PTPRO: variants seen among roughly 807,000 people sequenced by gnomAD.
The protein encoded by PTPRO is protein tyrosine phosphatase receptor type O.
Under a neutral mutation model 145.2 loss-of-function variants are expected in PTPRO, and 62 were observed. The observed-to-expected ratio is 0.43, with a 90% CI of 0.35 to 0.53. The LOEUF (loss-of-function observed/expected upper bound fraction) is 0.53, where lower values mean the gene tolerates loss of function less well. Among genes scored for constraint, PTPRO ranks in the 20% least tolerant of loss-of-function variants. The pLI is 0.01. For synonymous variants in PTPRO, 565 were observed against 514.7 expected, an observed-to-expected ratio of 1.10 and a Z score of -1.32; for missense variants, 1,345 against 1,482.7, an observed-to-expected ratio of 0.91 and a Z score of 1.53.
chr12:15,452,021 C>CA lies in PTPRO; in HGVS notation c.76-31947dup, dbSNP rs201827849. Among the ~76,000 whole-genome samples the CA allele has an allele frequency of 8.5e-3, 1,282 of 151,544 alleles. 17 individuals are homozygous for CA. Among genetic ancestry groups the CA allele is most frequent in the African/African-American group, 0.029 (1,219 of 41,334 alleles). ...AGAGTAGAACTGAATGAAGTTGAAA[C>CA]AAAAAAGCATGCAAAAGATAAATGA... is the stretch of plus-strand genomic sequence containing the variant. On this transcript the variant is annotated intron_variant, in intron 1 of 26. Coordinates refer to ENST00000281171, the MANE Select transcript of PTPRO (RefSeq NM_030667.3).
At chr12:15,561,557 T>C (rs1374580493) in intron 17 of PTPRO, among the ~76,000 whole-genome samples, 3 of 152,090 alleles carry the variant, frequency 2.0e-5, no homozygotes, top group African/African-American at 7.2e-5. Flanking sequence ...CCATTCACTG[T>C]TATTCTAAGT....
At position 15,556,868 on chromosome 12, in the gene PTPRO, G is replaced by A. The variant is rs560371293; in HGVS notation, c.2559-587G>A. Reference sequence around the variant, plus strand: ...CCAAATAGTTCAAATATTTCTTTTAGAATCATGAATGCCCTTTGGAAAGGA... The same window carrying A: ...CCAAATAGTTCAAATATTTCTTTTAAAATCATGAATGCCCTTTGGAAAGGA... On this transcript the variant is annotated intron_variant, in intron 15 of 26. Coordinates refer to ENST00000281171, the MANE Select transcript of PTPRO (RefSeq NM_030667.3). 9.9e-5 allele frequency among the ~76,000 whole-genome samples: 15 copies of A among 152,110 alleles called. No homozygotes were observed. The South Asian group carries it at 3.1e-3, about 32-fold the overall frequency.
intron 1 of PTPRO, among the ~76,000 whole-genome samples, chr12:15,405,471 T>C (rs1233347383): frequency 1.3e-5 from 2 of 152,218 alleles, no homozygotes; most frequent in Admixed American, 1.3e-4. Context: ...GAAACTCTAA[T>C]TGATATGAGT....
chr12:15,559,539 G>A (rs1159279248), intron 16 of PTPRO, among the ~76,000 whole-genome samples: 1 of 152,168 alleles, frequency 6.6e-6, no homozygotes, highest in African/African-American at 2.4e-5. Context: ...CTCCTACTTA[G>A]CTGAATATCA....
At chr12:15,496,856 A>G (rs1942118007) in intron 2 of PTPRO, among the ~76,000 whole-genome samples, 3 of 152,220 alleles carry the variant, frequency 2.0e-5, no homozygotes, top group Non-Finnish European at 4.4e-5. Context: ...TTTGCATGAG[A>G]AAAAGAAAAA....
chr12:15,486,999 A>G (rs996101580), intron 2 of PTPRO, among the ~76,000 whole-genome samples: 1 of 152,052 alleles, frequency 6.6e-6, no homozygotes, highest in Non-Finnish European at 1.5e-5. Flanking sequence ...TTCCCATGAT[A>G]GGCTGCCAGG....
intron 23 of PTPRO, among the ~76,000 whole-genome samples, chr12:15,584,470 A>C (rs1469923047): frequency 6.6e-6 from 1 of 152,210 alleles, no homozygotes; most frequent in Non-Finnish European, 1.5e-5. Context: ...AGAGTCACAT[A>C]GATTATTGCT....
chr12:15,515,987 G>GTTTTTTTTT (rs1387922121), intron 8 of PTPRO, among the ~76,000 whole-genome samples: 5 of 80,662 alleles, frequency 6.2e-5, no homozygotes, highest in African/African-American at 1.1e-4. Flanking sequence ...TTTTTTTTTT[G>GTTTTTTTTT]TTTTGTTTTT....
intron 1 of PTPRO, among the ~76,000 whole-genome samples, chr12:15,431,285 T>G (rs1940429936): frequency 6.6e-6 from 1 of 152,242 alleles, no homozygotes; most frequent in Non-Finnish European, 1.5e-5. Flanking sequence ...AGGAGAACAG[T>G]GAGGGTCATC....
intron 15 of PTPRO, 148 bp from the exon 16 acceptor site, chr12:15,557,306 AG>A: frequency 1.4e-6 from 1 of 722,208 alleles, no homozygotes; most frequent in Non-Finnish European, 2.4e-6. Flanking sequence ...CTGGGATTAC[AG>A]GCGTGAGCCA....
chr12:15,426,263 C>CA (rs1212717353), intron 1 of PTPRO, among the ~76,000 whole-genome samples: 4 of 151,712 alleles, frequency 2.6e-5, no homozygotes, highest in Non-Finnish European at 4.4e-5. Flanking sequence ...GCATGTCTTT[C>CA]ATGTATATAA....
intron 1 of PTPRO, among the ~76,000 whole-genome samples, chr12:15,363,690 A>G (rs1273333771): frequency 1.3e-5 from 2 of 152,132 alleles, no homozygotes; most frequent in Non-Finnish European, 2.9e-5. Context: ...GGCACATGGT[A>G]CATAAGTAAA....
intron 10 of PTPRO, among the ~76,000 whole-genome samples, chr12:15,522,366 T>C (rs2136518847): frequency 6.6e-6 from 1 of 151,996 alleles, no homozygotes; most frequent in South Asian, 2.1e-4. Context: ...GTCATCTAGG[T>C]TTTAAGCCCC....
chr12:15,578,779 C>G, intron 19 of PTPRO, 74 bp from the exon 20 acceptor site: 1 of 1,045,810 alleles, frequency 9.6e-7, no homozygotes, highest in South Asian at 1.3e-5. Context: ...GGCTTGTGAG[C>G]AATAAACCAG....
At chr12:15,425,256 A>G (rs1940252947) in intron 1 of PTPRO, among the ~76,000 whole-genome samples, 1 of 152,156 alleles carries the variant, frequency 6.6e-6, no homozygotes, top group Non-Finnish European at 1.5e-5. Context: ...CTTATTATGT[A>G]CCAAGTTTTA....
intron 12 of PTPRO, among the ~76,000 whole-genome samples, chr12:15,542,748 T>A (rs2135542350): frequency 6.6e-6 from 1 of 152,306 alleles, no homozygotes; most frequent in South Asian, 2.1e-4. Flanking sequence ...ATATAAATAA[T>A]TATTAATAAG....
At chr12:15,436,244 A>G (rs1371591383) in intron 1 of PTPRO, among the ~76,000 whole-genome samples, 1 of 152,234 alleles carries the variant, frequency 6.6e-6, no homozygotes, top group Non-Finnish European at 1.5e-5. Flanking sequence ...AACACATTCA[A>G]AAGCTAGCAG....
intron 1 of PTPRO, among the ~76,000 whole-genome samples, chr12:15,449,233 G>A (rs537785259): frequency 3.7e-4 from 57 of 152,316 alleles, no homozygotes; most frequent in African/African-American, 1.3e-3. Context: ...ACACTTAGCA[G>A]TCTATGAGTG....
intron 6 of PTPRO, 106 bp downstream of exon 6, chr12:15,504,175 T>C: frequency 7.9e-7 from 1 of 1,261,656 alleles, no homozygotes; most frequent in Non-Finnish European, 1.1e-6. Flanking sequence ...TTAGGGATGA[T>C]GAGAAGTCTT....
Sources: gnomAD v4.1 joint callset for allele counts (sites outside exome capture counted in the v4.1 genomes callset) on GRCh38, gnomAD v4.1.1 for gene constraint, MANE v1.5 for transcripts, NCBI Gene and HGNC (gene_info 2026-07-23, HGNC 2026-07-21) for gene names.